The following NXF1 variants were observed in gnomAD, a reference collection of about 807,000 sequenced individuals.
NXF1 encodes nuclear RNA export factor 1.
Under a neutral mutation model 92.4 loss-of-function variants are expected in NXF1, and 43 were observed. The observed-to-expected ratio is 0.47, with a 90% CI of 0.36 to 0.60. The LOEUF (loss-of-function observed/expected upper bound fraction) is 0.60, where lower values mean the gene tolerates loss of function less well. Ranked by LOEUF, NXF1 falls within the 20% of genes least tolerant of loss-of-function variation. The pLI, the probability that NXF1 is intolerant of heterozygous loss-of-function variation, is 0.00. For missense variants in NXF1, 576 were observed against 793.0 expected (o/e 0.73, Z 3.29); for synonymous variants, 288 against 292.2 (o/e 0.99, Z 0.15).
chr11:62,801,290 C>T (rs1386677499), intron 8 of NXF1, 39 bp downstream of exon 8: 1 of 1,609,746 alleles, frequency 6.2e-7, no homozygotes, highest in Non-Finnish European at 8.5e-7. Flanking sequence ...TCTAACACAC[C>T]CTGCTTCCTC....
rs772511818 is a variant in NXF1 at position 62,805,396 on chromosome 11, C to T, written c.-40G>A. The T allele has an allele frequency of 3.7e-6, 6 of 1,609,476 alleles. No homozygotes were observed. The African/African-American group carries it at 6.7e-5, about 18-fold the overall frequency. On this transcript the variant is annotated 5_prime_UTR_variant, in exon 1 of 21. Transcript: ENST00000294172. ...CAAGGGCGGGCTCAGGCGCTGGCCG[C>T]TACGCCGGCAAACAACCTAACTCCC...
At chr11:62,800,088 C>T (rs966821703) in intron 10 of NXF1, 1 of 1,251,948 alleles carries the variant, frequency 8.0e-7, no homozygotes. Flanking sequence ...AGATGCCTTT[C>T]CTGGAACAAC....
Position 62,801,430 on chromosome 11 carries a change from G to C in NXF1, c.710-13C>G, listed in dbSNP as rs370794559. ...TGGGCCACCAAATCTTCAGGAAGCA[G>C]AAGGGAAGGAAAGGGAAGACTGAGA... On this transcript the variant is annotated splice_polypyrimidine_tract_variant and intron_variant, in intron 7 of 20. Coordinates refer to ENST00000294172, the MANE Select transcript of NXF1 (RefSeq NM_006362.5). 23 of 1,613,712 alleles carry C rather than the reference G, an allele frequency of 1.4e-5. No individual in the cohort carries two copies. The highest frequency in any genetic ancestry group is 1.9e-5 in the Non-Finnish European group (23 of 1,179,804).
intron 10 of NXF1, chr11:62,799,013 C>T (rs2084450171): frequency 3.0e-6 from 3 of 1,003,356 alleles, no homozygotes; most frequent in Non-Finnish European, 3.6e-6. Context: ...AGGGATGGCA[C>T]AGGATGTTGG....
In NXF1 at chr11:62,798,543, C is replaced by T. The variant is rs1333769034; in HGVS notation, c.1049G>A (p.Arg350His). The T allele has an allele frequency of 5.0e-6, 8 of 1,614,008 alleles. No homozygotes were observed. Among genetic ancestry groups the T allele is most frequent in the South Asian group, 1.1e-5 (1 of 91,084 alleles). The change falls in exon 11 of 21, where the codon CGC becomes CAC. Residue 350 changes from arginine (R) to histidine (H), a missense_variant. By Grantham distance (29) the Arg-to-His change is conservative (BLOSUM62 0). Coordinates refer to ENST00000294172, the MANE Select transcript of NXF1 (RefSeq NM_006362.5). ...AIRERFPKLL[R>H]LDGHELPPPI... ...ATGAAAAAATTATGGACTTACCAGGCGTAGTAACTTGGGAAATCGTTCGCG... is the reference window on the plus strand; with the variant it reads ...ATGAAAAAATTATGGACTTACCAGGTGTAGTAACTTGGGAAATCGTTCGCG...
In NXF1 at chr11:62,801,955, C is replaced by T. The variant is rs374496111; in HGVS notation, c.545G>A (p.Arg182Gln). 10 of 1,614,044 alleles carry T rather than the reference C, an allele frequency of 6.2e-6. No homozygotes were observed. Among genetic ancestry groups the T allele is most frequent in the South Asian group, 4.4e-5 (4 of 91,090 alleles). Residue 182 changes from arginine (R) to glutamine (Q), a missense_variant, in exon 5 of 21, where the codon CGG becomes CAG. By Grantham distance (43) the Arg-to-Gln change is conservative. Coordinates refer to ENST00000294172, the MANE Select transcript of NXF1 (RefSeq NM_006362.5). ...LKAVNYKILD[R>Q]ENRRISIIIN... is the part of the protein sequence containing the mutation. ...CTTTAAACACACCCTTCGGTTCTCC[C>T]GATCCAAAATCTTATAGTTGACAGC... is the stretch of plus-strand genomic sequence containing the variant.
At chr11:62,795,060 A>C in intron 17 of NXF1, 53 bp from the exon 18 acceptor site, 1 of 1,511,622 alleles carries the variant, frequency 6.6e-7, no homozygotes, top group Non-Finnish European at 9.2e-7. Flanking sequence ...TTATGTTTAC[A>C]AACAGCTTCT....
chr11:62,794,586 G>T, intron 18 of NXF1, 146 bp from the exon 19 acceptor site: 1 of 711,064 alleles, frequency 1.4e-6, no homozygotes, highest in Admixed American at 2.8e-5. Context: ...CCCCTCCCAT[G>T]GAATCAATGT....
At chr11:62,798,903 G>A (rs1196240330) in intron 10 of NXF1, 29 of 1,127,216 alleles carry the variant, frequency 2.6e-5, no homozygotes, top group East Asian at 5.1e-5. Flanking sequence ...GTGCAGCCCC[G>A]GGAGGAGGGA....
chr11:62,803,611 G>C, intron 2 of NXF1, 39 bp from the exon 3 acceptor site: 1 of 1,612,546 alleles, frequency 6.2e-7, no homozygotes, highest in Non-Finnish European at 8.5e-7. Flanking sequence ...ACAAATGCTA[G>C]GAAAGTCTTC....
intron 8 of NXF1, 36 bp downstream of exon 8, chr11:62,801,293 G>C: frequency 1.2e-6 from 2 of 1,608,958 alleles, no homozygotes; most frequent in Non-Finnish European, 1.7e-6. Context: ...AACACACCCT[G>C]CTTCCTCATG....
rs1302208696 is a variant in NXF1 at position 62,805,326 on chromosome 11, T to C, written c.28+3A>G. 2 of 1,609,886 alleles carry C rather than the reference T, an allele frequency of 1.2e-6. No homozygotes were observed. Among genetic ancestry groups the C allele is most frequent in the South Asian group, 1.1e-5 (1 of 90,060 alleles). On this transcript the variant is annotated splice_donor_region_variant and intron_variant, in intron 1 of 20. Coordinates refer to ENST00000294172, the MANE Select transcript of NXF1 (RefSeq NM_006362.5). ...AGTTCCCGACCCGAAGACCAGCACT[T>C]ACCGCTGTACGACTTCCCCTCGTCC...
chr11:62,804,525 C>T (rs1022775056), intron 1 of NXF1, among the ~76,000 whole-genome samples: 21 of 152,146 alleles, frequency 1.4e-4, no homozygotes, highest in African/African-American at 4.6e-4. Flanking sequence ...CTGGAATGCT[C>T]TCCAGGAAGA....
intron 19 of NXF1, 120 bp downstream of exon 19, chr11:62,794,138 C>T (rs2084396560): frequency 1.1e-6 from 1 of 872,048 alleles, no homozygotes; most frequent in Non-Finnish European, 1.7e-6. Context: ...ATACTCCAGC[C>T]TGGATGACAG....
chr11:62,796,213 G>A (rs965546712), intron 15 of NXF1, 32 bp from the exon 16 acceptor site: 28 of 1,611,924 alleles, frequency 1.7e-5, no homozygotes, highest in Admixed American at 3.3e-5. Flanking sequence ...CAGTGGTGCT[G>A]CCACACACTC....
Position 62,795,911 on chromosome 11 carries a change from G to C in NXF1, c.1494C>G (p.Val498=), listed in dbSNP as rs375317991. ...TCTAAAGATTCTTACCTTCCTTGAAGACTCCATTGACAGAAAAACACAGCA... is the reference window on the plus strand; with the variant it reads ...TCTAAAGATTCTTACCTTCCTTGAACACTCCATTGACAGAAAAACACAGCA... The part of the protein sequence containing the change: ...STLLCFSVNG[V]FKEVDGKSRD... Residue 498 remains valine (V), a synonymous_variant, in exon 17 of 21, where the codon GTC becomes GTG. Coordinates refer to ENST00000294172, the MANE Select transcript of NXF1 (RefSeq NM_006362.5). 2.2e-5 allele frequency: 35 copies of C among 1,613,672 alleles called. No homozygotes were observed. In the African/African-American group the frequency reaches 3.2e-4, roughly 15 times the overall value.
rs2084373820 is a variant in NXF1, at chr11:62,792,397, A to G, written c.*79T>C. ...ACGGGGCGGCCTCGGGCCAGACAGG[A>G]GGAGATGACAGACGACAACCAGACG... On this transcript the variant is annotated 3_prime_UTR_variant, in exon 21 of 21. Transcript: ENST00000294172. 6.4e-7 allele frequency: 1 copy of G among 1,566,098 alleles called. No individual in the cohort carries two copies. The highest frequency in any genetic ancestry group is 8.8e-7 in the Non-Finnish European group (1 of 1,136,584).
intron 17 of NXF1, chr11:62,795,433 G>A (rs1472310706): frequency 5.4e-5 from 11 of 203,724 alleles, no homozygotes; most frequent in East Asian, 3.6e-4. Flanking sequence ...CCAAGATTGC[G>A]CCACTGCACT....
intron 8 of NXF1, 37 bp from the exon 9 acceptor site, chr11:62,801,238 G>C: frequency 8.7e-6 from 14 of 1,606,134 alleles, no homozygotes; most frequent in Non-Finnish European, 1.2e-5. Context: ...GGCACCACCA[G>C]CAAGTGGATC....
Sources: gnomAD v4.1 joint callset for allele counts (sites outside exome capture counted in the v4.1 genomes callset) on GRCh38, gnomAD v4.1.1 for gene constraint, MANE v1.5 for transcripts, NCBI Gene and HGNC (gene_info 2026-07-23, HGNC 2026-07-21) for gene names.